IL13RA2: variants seen among roughly 807,000 people sequenced by gnomAD.
The protein encoded by IL13RA2 is interleukin-13 receptor subunit alpha-2.
A neutral mutation model predicts 34.1 loss-of-function variants in IL13RA2; 25 were observed. The observed-to-expected ratio is 0.73, with a 90% CI of 0.53 to 1.03. IL13RA2 has a LOEUF of 1.03. Among genes scored for constraint, IL13RA2 ranks in the 50% least tolerant of loss-of-function variants. IL13RA2 has a pLI of 0.00. For missense variants in IL13RA2, 297 were observed against 280.9 expected (o/e 1.06, Z -0.41); for synonymous variants, 106 against 100.4 (o/e 1.06, Z -0.33).
intron 1 of IL13RA2, 33 bp from the exon 2 acceptor site, chrX:115,017,335 T>C: frequency 1.7e-6 from 1 of 584,808 alleles, no homozygotes; most frequent in South Asian, 2.4e-5. Flanking sequence ...TTTAACTTTA[T>C]CTTACATCAA....
Position 115,009,623 on chromosome X carries a change from A to G in IL13RA2, c.750T>C (p.Ser250=), listed in dbSNP as rs2071698362. 2 of 1,204,440 alleles carry G rather than the reference A, an allele frequency of 1.7e-6. No homozygotes were observed. The highest frequency in any genetic ancestry group is 3.5e-5 in the African/African-American group (2 of 57,516). ...TCCATTTCAGCTTAATTTCACATGA[A>G]CTCTCCCGAGTAAAAGTAAGATAGA... ...PPVYLTFTRE[S]SCEIKLKWSI... is the part of the protein sequence containing the mutation. The change falls in exon 7 of 10, where the codon AGT becomes AGC. Residue 250 remains serine, a synonymous_variant. Coordinates refer to ENST00000243213, the MANE Select transcript of IL13RA2 (RefSeq NM_000640.3).
chrX:115,011,486 A>G (rs1172146459), intron 5 of IL13RA2, among the ~76,000 whole-genome samples: 2 of 112,128 alleles, frequency 1.8e-5, no homozygotes, highest in East Asian at 2.8e-4. Context: ...GTGATTCCCT[A>G]CTAAATTCGA....
intron 8 of IL13RA2, among the ~76,000 whole-genome samples, 192 bp downstream of exon 8, chrX:115,007,740 C>T (rs1244501753): frequency 8.9e-6 from 1 of 111,779 alleles, no homozygotes; most frequent in Non-Finnish European, 1.9e-5. Context: ...TAACAATATT[C>T]CTAGTCCTAA....
rs781821628 is a variant in IL13RA2, at chrX:115,005,325, A to G, written c.998-10T>C. 1.3e-6 allele frequency: 1 copy of G among 788,669 alleles called. No homozygotes were observed. The highest frequency in any genetic ancestry group is 2.1e-5 in the South Asian group (1 of 47,676). The allele number at this position is 788,669 out of a possible 1,213,427, so 65.0% of individuals were successfully genotyped here. A position where few individuals can be genotyped will look rare whatever the true frequency, so the allele number is the denominator to read the frequency against. On this transcript the variant is annotated splice_polypyrimidine_tract_variant and intron_variant, in intron 8 of 9. Transcript: ENST00000243213. ...TTCGATAGGTCTTCACCTAGGATTA[A>G]AAATCACACGGAAAGGGGAAGTGTT...
At chrX:115,011,357 G>A (rs1192193044) in intron 5 of IL13RA2, among the ~76,000 whole-genome samples, 1 of 111,495 alleles carries the variant, frequency 9.0e-6, no homozygotes, top group African/African-American at 3.3e-5. Flanking sequence ...AGGGCAAAAG[G>A]AAAAAGAAGG....
In IL13RA2 at chrX:115,012,138, T is replaced by C. The variant is rs1395424430; in HGVS notation, c.522-1310A>G. Among the ~76,000 whole-genome samples the C allele has an allele frequency of 5.3e-5, 6 of 112,370 alleles. No homozygotes were observed. The Admixed American group carries it at 5.7e-4, about 11-fold the overall frequency. On this transcript the variant is annotated intron_variant, in intron 5 of 9. Transcript: ENST00000243213. ...TAGTTTATAGCTTATGATTTATCTA[T>C]TATTATTTTCTAAAGAAAGATGCCA...
At chrX:115,017,329 A>G in intron 1 of IL13RA2, 27 bp from the exon 2 acceptor site, 1 of 587,033 alleles carries the variant, frequency 1.7e-6, no homozygotes, top group East Asian at 3.3e-5. Context: ...TAACATTTTA[A>G]CTTTATCTTA....
chrX:115,010,531 G>A lies in IL13RA2; in HGVS notation c.706+113C>T, dbSNP rs983277278. On this transcript the variant is annotated intron_variant, in intron 6 of 9. Transcript: ENST00000243213. The stretch of plus-strand genomic sequence containing the variant: ...TCCATAGGTCTCTGTCTCTCTCTCT[G>A]TCTATGTCTCTCTCTCCTTCCTCCC... The A allele has an allele frequency of 1.4e-5, 6 of 425,080 alleles. No individual in the cohort carries two copies. The African/African-American group carries it at 1.5e-4, about 11-fold the overall frequency. 35.0% of individuals were successfully genotyped at this position (425,080 alleles called of 1,213,427 possible).
At chrX:115,012,219 T>A (rs1383019977) in intron 5 of IL13RA2, among the ~76,000 whole-genome samples, 5 of 112,263 alleles carry the variant, frequency 4.5e-5, no homozygotes, top group African/African-American at 1.6e-4. Flanking sequence ...TCTTGATTTT[T>A]CCATTATTTA....
chrX:115,006,389 T>G (rs782814774), intron 8 of IL13RA2, among the ~76,000 whole-genome samples: 1 of 112,245 alleles, frequency 8.9e-6, no homozygotes, highest in Non-Finnish European at 1.9e-5. Context: ...GTCATTAAGA[T>G]TCTATGAAGA....
intron 2 of IL13RA2, among the ~76,000 whole-genome samples, chrX:115,016,383 T>C (rs2071727382): frequency 1.8e-5 from 2 of 110,849 alleles, no homozygotes; most frequent in East Asian, 5.6e-4. Context: ...AGATTACTGC[T>C]ATATAGTTGT....
At position 115,017,249 on chromosome X, in the gene IL13RA2, A is replaced by G; in HGVS notation, c.21T>C (p.Ala7=). The part of the protein sequence containing the change: MAFVCL[A]IGCLYTFLIS... ...TCAGAAAGGTATATAAGCATCCGAT[A>G]GCCAAGCAAACGAAAGCCATTTCTC... The change falls in exon 2 of 10, where the codon GCT becomes GCC. Residue 7 remains alanine, a synonymous_variant. Coordinates refer to ENST00000243213, the MANE Select transcript of IL13RA2 (RefSeq NM_000640.3). 1.0e-6 allele frequency: 1 copy of G among 980,354 alleles called. No homozygotes were observed. Among genetic ancestry groups the G allele is most frequent in the Non-Finnish European group, 1.5e-6 (1 of 686,961 alleles). 80.8% of individuals were successfully genotyped at this position (980,354 alleles called of 1,213,427 possible). A position where few individuals can be genotyped will look rare whatever the true frequency, so the allele number is the denominator to read the frequency against.
intron 2 of IL13RA2, among the ~76,000 whole-genome samples, chrX:115,016,643 T>C (rs782432357): frequency 7.4e-4 from 76 of 102,459 alleles, no homozygotes; most frequent in Non-Finnish European, 1.3e-3. Context: ...ATATTAATTA[T>C]AATATAATAT....
At chrX:115,004,219 T>C in intron 9 of IL13RA2, 113 bp from the exon 10 acceptor site, 1 of 423,926 alleles carries the variant, frequency 2.4e-6, no homozygotes, top group East Asian at 4.1e-5. Context: ...AGTGAAGCAT[T>C]CTATACACAT....
rs782344443 is a variant in IL13RA2, at chrX:115,015,778, T to C, written c.138A>G (p.Leu46=). The change falls in exon 3 of 10, where the codon TTA becomes TTG. Residue 46 remains leucine (L), a synonymous_variant. Transcript: ENST00000243213. ...QDFEIVDPGY[L]GYLYLQWQPP... ...GTTGCCATTGCAAATAGAGATAACC[T>C]AAGTATCCGGGATCCACTATCTCAA... is the stretch of plus-strand genomic sequence containing the variant. 3 of 1,186,338 alleles carry C rather than the reference T, an allele frequency of 2.5e-6. No individual in the cohort carries two copies. The highest frequency in any genetic ancestry group is 3.4e-6 in the Non-Finnish European group (3 of 873,736).
chrX:115,005,700 G>A (rs1043428048), intron 8 of IL13RA2, among the ~76,000 whole-genome samples: 3 of 111,848 alleles, frequency 2.7e-5, no homozygotes, highest in Non-Finnish European at 5.6e-5. Context: ...TAAGTCAAAC[G>A]TGTACTTAGA....
In IL13RA2 at chrX:115,009,685, C is replaced by T; in HGVS notation, c.707-19G>A. On this transcript the variant is annotated intron_variant, in intron 6 of 9. Coordinates refer to ENST00000243213, the MANE Select transcript of IL13RA2 (RefSeq NM_000640.3). ...GGTTTAACTGAAAAGCAAAAGAGAACCATTTCAACACGGAGATTGTTGAAG... is the reference window on the plus strand; with the variant it reads ...GGTTTAACTGAAAAGCAAAAGAGAATCATTTCAACACGGAGATTGTTGAAG... 1 of 1,194,322 alleles carries T rather than the reference C, an allele frequency of 8.4e-7. No individual in the cohort carries two copies. The highest frequency in any genetic ancestry group is 1.1e-6 in the Non-Finnish European group (1 of 880,736).
chrX:115,012,035 GA>G (rs1269478547), intron 5 of IL13RA2, among the ~76,000 whole-genome samples: 2 of 112,143 alleles, frequency 1.8e-5, no homozygotes, highest in Admixed American at 9.5e-5. Context: ...AATTCTAAAA[GA>G]AAAAATTACT....
intron 7 of IL13RA2, among the ~76,000 whole-genome samples, chrX:115,009,161 G>C (rs2071696066): frequency 9.1e-6 from 1 of 109,921 alleles, no homozygotes. Context: ...CTGCCATACT[G>C]TAATTTTGAC....
Sources: allele counts gnomAD v4.1 joint callset (sites outside exome capture counted in the v4.1 genomes callset), GRCh38; gene constraint gnomAD v4.1.1; transcripts MANE v1.5; gene names NCBI Gene and HGNC (gene_info 2026-07-23, HGNC 2026-07-21).